The following TCF4 variants were observed in gnomAD, a reference collection of about 807,000 sequenced individuals.
TCF4 encodes SL3-3 enhancer factor 2.
A neutral mutation model predicts 82.1 loss-of-function variants in TCF4; 3 were observed. The observed-to-expected ratio is 0.04, with a 90% CI of 0.02 to 0.09. TCF4 has a LOEUF of 0.09. Among genes scored for constraint, TCF4 ranks in the 10% least tolerant of loss-of-function variants. The pLI is 1.00. For missense variants in TCF4, 518 were observed against 852.7 expected, an observed-to-expected ratio of 0.61 and a Z score of 4.89; for synonymous variants, 276 against 309.6, an observed-to-expected ratio of 0.89 and a Z score of 1.14.
At chr18:55,426,268 C>T (rs2094977955) in intron 5 of TCF4, among the ~76,000 whole-genome samples, 1 of 152,018 alleles carries the variant, frequency 6.6e-6, no homozygotes, top group Non-Finnish European at 1.5e-5. Context: ...TATAAAAGGA[C>T]AAGACCCTAG....
intron 8 of TCF4, among the ~76,000 whole-genome samples, chr18:55,280,488 A>C (rs1365757254): frequency 6.6e-6 from 1 of 152,168 alleles, no homozygotes; most frequent in Non-Finnish European, 1.5e-5. Flanking sequence ...CAAATTCATA[A>C]GGTATAGTTT....
intron 6 of TCF4, among the ~76,000 whole-genome samples, chr18:55,359,026 A>T (rs1193124514): frequency 6.6e-6 from 1 of 152,238 alleles, no homozygotes. Context: ...GTGTTATATT[A>T]TAATGTAAGT....
intron 6 of TCF4, among the ~76,000 whole-genome samples, chr18:55,390,268 C>G (rs1301190316): frequency 5.0e-5 from 6 of 119,688 alleles, no homozygotes; most frequent in African/African-American, 2.0e-4. Context: ...CTGGGCAACA[C>G]AGCAGGACCC....
intron 8 of TCF4, among the ~76,000 whole-genome samples, chr18:55,301,814 T>TTG (rs2068393294): frequency 1.3e-5 from 1 of 74,802 alleles, no homozygotes; most frequent in Admixed American, 1.3e-4. Context: ...AAAAAAAAAG[T>TTG]GGGGGGGGAT....
intron 6 of TCF4, among the ~76,000 whole-genome samples, chr18:55,388,864 C>T (rs1173296225): frequency 6.6e-6 from 1 of 152,152 alleles, no homozygotes; most frequent in Non-Finnish European, 1.5e-5. Flanking sequence ...TGGCTCACAG[C>T]TGTAATCTCA....
intron 8 of TCF4, among the ~76,000 whole-genome samples, chr18:55,339,395 G>A (rs2079329374): frequency 6.6e-6 from 1 of 152,154 alleles, no homozygotes; most frequent in South Asian, 2.1e-4. Flanking sequence ...AAATCGAAAT[G>A]GAAGTTTGAT....
intron 10 of TCF4, among the ~76,000 whole-genome samples, chr18:55,272,272 C>T (rs1339726104): frequency 6.6e-6 from 1 of 152,060 alleles, no homozygotes; most frequent in African/African-American, 2.4e-5. Flanking sequence ...AGATTTATAA[C>T]TAGATTATTT....
At chr18:55,363,336 A>C (rs1487107570) in intron 6 of TCF4, among the ~76,000 whole-genome samples, 1 of 152,196 alleles carries the variant, frequency 6.6e-6, no homozygotes, top group Non-Finnish European at 1.5e-5. Context: ...TAAGGGGAAA[A>C]ATTTACGTTT....
At chr18:55,622,503 TA>T (rs765415861) in intron 2 of TCF4, among the ~76,000 whole-genome samples, 4,062 of 110,562 alleles carry the variant, frequency 0.037, 154 homozygotes, top group African/African-American at 0.11. Flanking sequence ...GACTCAATCT[TA>T]AAAAAAAAAA....
At chr18:55,265,580 T>C (rs2058976230) in intron 11 of TCF4, 1 of 152,228 alleles carries the variant, frequency 6.6e-6, no homozygotes, top group African/African-American at 2.4e-5. Flanking sequence ...GCCTTCACAT[T>C]GCTGGATACA....
chr18:55,569,970 C>T lies in TCF4; in HGVS notation c.145+15310G>A, dbSNP rs149430133. On this transcript the variant is annotated intron_variant, in intron 3 of 19. Coordinates refer to ENST00000354452, the MANE Select transcript of TCF4 (RefSeq NM_001083962.2). The stretch of plus-strand genomic sequence containing the variant: ...AAGTCAAATGTGTACATATGGGACA[C>T]GAAAAGTGGGGAGGAAGGGCTTTAC... Among the ~76,000 whole-genome samples the T allele has an allele frequency of 9.9e-4, 151 of 151,986 alleles. 1 individual carries two copies. The East Asian group carries it at 0.02, about 20-fold the overall frequency.
intron 5 of TCF4, among the ~76,000 whole-genome samples, chr18:55,451,770 C>CTGGTT (rs2095628538): frequency 1.3e-5 from 2 of 152,136 alleles, no homozygotes; most frequent in South Asian, 4.1e-4. Context: ...AAGTAGGGTA[C>CTGGTT]TGGTTAATAC....
chr18:55,535,500 T>A (rs1034916158), intron 3 of TCF4, among the ~76,000 whole-genome samples: 1 of 152,220 alleles, frequency 6.6e-6, no homozygotes, highest in African/African-American at 2.4e-5. Context: ...ATTCTTTTTC[T>A]GATTATTATA....
At position 55,224,974 on chromosome 18, in the gene TCF4, G is replaced by A. The variant is rs1404491181; in HGVS notation, c.*3061C>T. On this transcript the variant is annotated 3_prime_UTR_variant, in exon 20 of 20. Transcript: ENST00000354452. ...AGTACTTTAATCTTAACTGTCTTCT[G>A]CTGAACTTCATTTGAAAATCCAGTG... 6.6e-6 allele frequency: 1 copy of A among 152,118 alleles called. No homozygotes were observed. The highest frequency in any genetic ancestry group is 1.5e-5 in the Non-Finnish European group (1 of 68,004). The allele number at this position is 152,118 out of a possible 1,614,324, so 9.4% of individuals were successfully genotyped here. A position where few individuals can be genotyped will look rare whatever the true frequency, so the allele number is the denominator to read the frequency against.
chr18:55,525,368 A>G (rs1163495455), intron 3 of TCF4, among the ~76,000 whole-genome samples: 1 of 152,046 alleles, frequency 6.6e-6, no homozygotes, highest in Non-Finnish European at 1.5e-5. Context: ...AAGAAATACC[A>G]CACTCTAAAT....
intron 8 of TCF4, among the ~76,000 whole-genome samples, chr18:55,314,208 C>A (rs1233297087): frequency 1.3e-5 from 2 of 152,118 alleles, no homozygotes; most frequent in Admixed American, 6.6e-5. Flanking sequence ...TCCCAACCCC[C>A]ACATCACACA....
At position 55,258,723 on chromosome 18, in the gene TCF4, T is replaced by C. The variant is rs567700967; in HGVS notation, c.1069+1226A>G. Among the ~76,000 whole-genome samples, 9 of 152,332 alleles carry C rather than the reference T, an allele frequency of 5.9e-5. No individual in the cohort carries two copies. The East Asian group carries it at 1.7e-3, about 29-fold the overall frequency. ...GAAATGTGGAAACTGGAGTTCCACC[T>C]GCTCAGATTCCTCTATCCCTTGTTG... is the stretch of plus-strand genomic sequence containing the variant. On this transcript the variant is annotated intron_variant, in intron 13 of 19. Coordinates refer to ENST00000354452, the MANE Select transcript of TCF4 (RefSeq NM_001083962.2).
At chr18:55,597,994 T>A (rs1400523744) in intron 2 of TCF4, among the ~76,000 whole-genome samples, 2 of 152,160 alleles carry the variant, frequency 1.3e-5, no homozygotes, top group Non-Finnish European at 2.9e-5. Flanking sequence ...TCATTCAAGA[T>A]GAAAAACTGG....
chr18:55,460,027 G>A (rs934264459), intron 5 of TCF4, among the ~76,000 whole-genome samples: 47 of 152,166 alleles, frequency 3.1e-4, no homozygotes, highest in African/African-American at 1.1e-3. Context: ...TCAAGGACCT[G>A]AAGTAACTGG....
Sources: gnomAD v4.1 joint callset for allele counts (sites outside exome capture counted in the v4.1 genomes callset) on GRCh38, gnomAD v4.1.1 for gene constraint, MANE v1.5 for transcripts, NCBI Gene and HGNC (gene_info 2026-07-23, HGNC 2026-07-21) for gene names.